The following MAGI2 variants were observed in gnomAD, a reference collection of about 807,000 sequenced individuals.
The protein encoded by MAGI2 is membrane-associated guanylate kinase, WW and PDZ domain-containing protein 2.
MAGI2 carries 35 observed loss-of-function variants against 133.3 expected under a neutral mutation model. The ratio of observed to expected loss-of-function variants is 0.26; its 90% confidence interval spans 0.20 to 0.35. The LOEUF (loss-of-function observed/expected upper bound fraction) is 0.35. Ranked by LOEUF, MAGI2 falls within the 10% of genes least tolerant of loss-of-function variation. MAGI2 has a pLI of 1.00. For missense variants in MAGI2, 1,636 were observed against 1,863.4 expected (o/e 0.88, Z 2.25); for synonymous variants, 729 against 710.6 (o/e 1.03, Z -0.41).
chr7:79,277,577 G>A (rs921916281), intron 1 of MAGI2, among the ~76,000 whole-genome samples: 2 of 151,980 alleles, frequency 1.3e-5, no homozygotes, highest in African/African-American at 4.8e-5. Context: ...AATGATACAA[G>A]GAAGAATTTA....
At chr7:78,209,503 T>C (rs1379725628) in intron 10 of MAGI2, among the ~76,000 whole-genome samples, 1 of 151,788 alleles carries the variant, frequency 6.6e-6, no homozygotes, top group Non-Finnish European at 1.5e-5. Flanking sequence ...CCTCATGATC[T>C]GCCCACCATG....
rs150915721 is a variant in MAGI2 at position 78,996,809 on chromosome 7, G to A, written c.418+10281C>T. On this transcript the variant is annotated intron_variant, in intron 2 of 21. Coordinates refer to ENST00000354212, the MANE Select transcript of MAGI2 (RefSeq NM_012301.4). ...ATAAGTATGTTAAACTGAAGGAATG[G>A]GAGGAACGCTCCACAGAGTTTGTTT... Among the ~76,000 whole-genome samples the A allele has an allele frequency of 4.0e-3, 607 of 152,220 alleles. 16 individuals are homozygous for A. Among genetic ancestry groups the A allele is most frequent in the Admixed American group, 0.036 (547 of 15,274 alleles).
At chr7:79,093,021 G>A (rs1211797805) in intron 1 of MAGI2, among the ~76,000 whole-genome samples, 1 of 152,058 alleles carries the variant, frequency 6.6e-6, no homozygotes, top group African/African-American at 2.4e-5. Context: ...AGATTATTAT[G>A]TCTTTAGATC....
At chr7:79,006,939 G>A (rs1411378278) in intron 2 of MAGI2, 151 bp downstream of exon 2, 6 of 546,604 alleles carry the variant, frequency 1.1e-5, no homozygotes, top group Non-Finnish European at 1.6e-5. Context: ...ATAAGCATTT[G>A]CACTTAAAAT....
At chr7:79,194,861 G>C (rs1827947750) in intron 1 of MAGI2, among the ~76,000 whole-genome samples, 1 of 151,646 alleles carries the variant, frequency 6.6e-6, no homozygotes, top group Non-Finnish European at 1.5e-5. Flanking sequence ...AATTAATAGA[G>C]AGAATCAAGT....
At chr7:78,595,095 C>G (rs1334954867) in intron 3 of MAGI2, among the ~76,000 whole-genome samples, 4 of 152,092 alleles carry the variant, frequency 2.6e-5, no homozygotes, top group Non-Finnish European at 4.4e-5. Context: ...CCCTCCTTTC[C>G]AAGTTCATCT....
chr7:79,416,007 T>C (rs1017528775), intron 1 of MAGI2, among the ~76,000 whole-genome samples: 1 of 152,102 alleles, frequency 6.6e-6, no homozygotes, highest in Admixed American at 6.6e-5. Flanking sequence ...AAAGAGTCTA[T>C]TTGCTAATAC....
intron 1 of MAGI2, among the ~76,000 whole-genome samples, chr7:79,423,529 C>T (rs569182041): frequency 6.6e-6 from 1 of 152,112 alleles, no homozygotes; most frequent in African/African-American, 2.4e-5. Flanking sequence ...TAAGTATGGA[C>T]ATAATCTAAG....
At chr7:79,047,749 A>T (rs1226521813) in intron 1 of MAGI2, among the ~76,000 whole-genome samples, 1 of 152,176 alleles carries the variant, frequency 6.6e-6, no homozygotes, top group East Asian at 1.9e-4. Context: ...AATTATTCAA[A>T]TTCCTTATAA....
At position 78,134,937 on chromosome 7, in the gene MAGI2, C is replaced by T. The variant is rs569127350; in HGVS notation, c.3031+84G>A. 1.7e-5 allele frequency: 22 copies of T among 1,271,266 alleles called. No homozygotes were observed. The African/African-American group carries it at 1.8e-4, about 10-fold the overall frequency. The allele number at this position is 1,271,266 out of a possible 1,614,324, so 78.7% of individuals were successfully genotyped here. A position where few individuals can be genotyped will look rare whatever the true frequency, so the allele number is the denominator to read the frequency against. ...AGTGACGGCAGGCAGGTGCACTCCGCGACCCTGGCGGGCAGGCTGAGAACA... is the reference window on the plus strand; with the variant it reads ...AGTGACGGCAGGCAGGTGCACTCCGTGACCCTGGCGGGCAGGCTGAGAACA... On this transcript the variant is annotated intron_variant, in intron 17 of 21. Coordinates refer to ENST00000354212, the MANE Select transcript of MAGI2 (RefSeq NM_012301.4).
intron 1 of MAGI2, among the ~76,000 whole-genome samples, chr7:79,126,793 TTAAA>T (rs1385666627): frequency 1.3e-5 from 2 of 151,802 alleles, no homozygotes; most frequent in African/African-American, 4.8e-5. Flanking sequence ...TTTGTACATA[TTAAA>T]TAATTTATTA....
intron 1 of MAGI2, among the ~76,000 whole-genome samples, chr7:79,407,155 GC>G (rs1845860847): frequency 3.3e-5 from 5 of 152,094 alleles, no homozygotes; most frequent in Admixed American, 3.3e-4. Context: ...AAAAGAACTT[GC>G]TTCAGAATCA....
At chr7:78,022,741 C>T (rs143624851) in intron 21 of MAGI2, among the ~76,000 whole-genome samples, 103 of 152,280 alleles carry the variant, frequency 6.8e-4, no homozygotes, top group Middle Eastern at 3.4e-3. Flanking sequence ...ATTCATCCAT[C>T]CATCATTAGT....
chr7:78,226,123 A>G (rs1010035730), intron 10 of MAGI2, among the ~76,000 whole-genome samples: 2 of 152,220 alleles, frequency 1.3e-5, no homozygotes, highest in African/African-American at 4.8e-5. Flanking sequence ...TCAATTTGCC[A>G]TATGAGTTTT....
intron 1 of MAGI2, among the ~76,000 whole-genome samples, chr7:79,292,048 T>C (rs1337755942): frequency 6.6e-6 from 1 of 152,196 alleles, no homozygotes; most frequent in African/African-American, 2.4e-5. Flanking sequence ...CTCTCACCTA[T>C]GCTCTATGAT....
chr7:79,360,526 AC>A (rs1842314496), intron 1 of MAGI2, among the ~76,000 whole-genome samples: 1 of 152,124 alleles, frequency 6.6e-6, no homozygotes, highest in African/African-American at 2.4e-5. Flanking sequence ...GATCACTGAA[AC>A]AAAAATTATA....
At chr7:78,482,675 A>G (rs1158631982) in intron 6 of MAGI2, among the ~76,000 whole-genome samples, 1 of 151,912 alleles carries the variant, frequency 6.6e-6, no homozygotes, top group African/African-American at 2.4e-5. Context: ...TTGTGATTCC[A>G]TTTATAGAAT....
intron 2 of MAGI2, among the ~76,000 whole-genome samples, chr7:78,667,386 T>A (rs189879345): frequency 0.028 from 4,283 of 151,518 alleles, 103 homozygotes; most frequent in African/African-American, 0.055. Flanking sequence ...TTTAATTTTT[T>A]AAAAAATTTT....
chr7:79,045,412 G>A (rs1374590010), intron 1 of MAGI2, among the ~76,000 whole-genome samples: 1 of 152,076 alleles, frequency 6.6e-6, no homozygotes, highest in Non-Finnish European at 1.5e-5. Context: ...CTTATAATTT[G>A]TTACTTCATG....
Sources: allele counts gnomAD v4.1 joint callset (sites outside exome capture counted in the v4.1 genomes callset), GRCh38; gene constraint gnomAD v4.1.1; transcripts MANE v1.5; gene names NCBI Gene and HGNC (gene_info 2026-07-23, HGNC 2026-07-21).